The following PPHLN1 variants were observed in gnomAD, a reference collection of about 807,000 sequenced individuals.
PPHLN1 encodes the protein periphilin-1.
PPHLN1 carries 29 observed loss-of-function variants against 51.3 expected under a neutral mutation model. That is an observed-to-expected ratio of 0.57 (90% CI 0.42 to 0.77). PPHLN1 has a LOEUF of 0.77. Among genes scored for constraint, PPHLN1 ranks in the 30% least tolerant of loss-of-function variants. The probability of loss-of-function intolerance (pLI) is 0.00; values close to 1 mark genes in which losing one functional copy is unlikely to be tolerated. For synonymous variants in PPHLN1, 147 were observed against 147.8 expected (o/e 0.99, Z 0.04); for missense variants, 436 against 438.4 (o/e 0.99, Z 0.05).
chr12:42,341,543 G>A (rs1291562969), intron 2 of PPHLN1, among the ~76,000 whole-genome samples: 1 of 152,008 alleles, frequency 6.6e-6, no homozygotes, highest in Non-Finnish European at 1.5e-5. Context: ...TTGAGTTTTG[G>A]CAAACTTATC....
At chr12:42,446,256 C>G, downstream of PPHLN1, 12 of 1,609,612 alleles carry the variant, frequency 7.5e-6, no homozygotes, top group Non-Finnish European at 1.0e-5. Context: ...TTGTTCCTTG[C>G]TATGCTCTCT....
At chr12:42,399,569 A>C (rs1160810938) in intron 9 of PPHLN1, 1 of 298,206 alleles carries the variant, frequency 3.4e-6, no homozygotes, top group Non-Finnish European at 4.9e-6. Flanking sequence ...GTGCTTATTG[A>C]TGTTGTTACT....
At chr12:42,388,304 G>A (rs2077372184) in intron 7 of PPHLN1, among the ~76,000 whole-genome samples, 1 of 152,212 alleles carries the variant, frequency 6.6e-6, no homozygotes, top group Non-Finnish European at 1.5e-5. Context: ...TATGGCAGGA[G>A]GCGAGACATG....
At chr12:42,358,209 T>A (rs954142766) in intron 4 of PPHLN1, among the ~76,000 whole-genome samples, 4 of 152,194 alleles carry the variant, frequency 2.6e-5, no homozygotes, top group Admixed American at 6.5e-5. Context: ...ATGTTAATTT[T>A]AATTTTCTCT....
intron 9 of PPHLN1, chr12:42,431,664 G>A: frequency 9.5e-7 from 1 of 1,050,352 alleles, no homozygotes. Context: ...AACTTCTTCA[G>A]TTTATGAAAC....
At chr12:42,426,203 C>G (rs1013961728) in intron 9 of PPHLN1, among the ~76,000 whole-genome samples, 11 of 149,872 alleles carry the variant, frequency 7.3e-5, no homozygotes, top group Non-Finnish European at 1.5e-4. Flanking sequence ...CACACACACA[C>G]ACACACACAC....
intron 1 of PPHLN1, among the ~76,000 whole-genome samples, chr12:42,334,711 T>G (rs1276663050): frequency 6.6e-6 from 1 of 152,236 alleles, no homozygotes; most frequent in African/African-American, 2.4e-5. Flanking sequence ...ACCATTTTCA[T>G]TTTTTGCTCA....
intron 3 of PPHLN1, among the ~76,000 whole-genome samples, chr12:42,352,734 A>C (rs1236839491): frequency 6.6e-6 from 1 of 152,044 alleles, no homozygotes. Flanking sequence ...CTCCCAGCCT[A>C]AAGTCTATTT....
At chr12:42,373,752 GGTGCTTTGA>G (rs1312472088) in intron 4 of PPHLN1, among the ~76,000 whole-genome samples, 2 of 152,080 alleles carry the variant, frequency 1.3e-5, no homozygotes, top group African/African-American at 4.8e-5. Flanking sequence ...GGGCTTACTT[GGTGCTTTGA>G]GTTGATGGTA....
intron 2 of PPHLN1, among the ~76,000 whole-genome samples, chr12:42,337,281 G>A (rs1018159471): frequency 8.4e-5 from 5 of 59,772 alleles, no homozygotes; most frequent in Admixed American, 2.1e-4. Flanking sequence ...TTTTTTTTTT[G>A]AGATGGAGTT....
At chr12:42,418,856 C>T (rs1288153436) in intron 9 of PPHLN1, among the ~76,000 whole-genome samples, 3 of 151,914 alleles carry the variant, frequency 2.0e-5, no homozygotes, top group African/African-American at 7.3e-5. Flanking sequence ...GTTTTTTTCA[C>T]CACTTGTACT....
At chr12:42,426,781 C>T (rs565772721) in intron 9 of PPHLN1, among the ~76,000 whole-genome samples, 9 of 152,278 alleles carry the variant, frequency 5.9e-5, no homozygotes, top group Admixed American at 5.2e-4. Context: ...GAGAACTCAA[C>T]TCATTGGACC....
At chr12:42,364,370 C>G (rs2075036952) in intron 4 of PPHLN1, among the ~76,000 whole-genome samples, 1 of 152,092 alleles carries the variant, frequency 6.6e-6, no homozygotes, top group South Asian at 2.1e-4. Context: ...TGGCTCACAC[C>G]TGTAATCCCA....
chr12:42,346,825 T>C (rs2072409266), intron 2 of PPHLN1, among the ~76,000 whole-genome samples: 1 of 152,174 alleles, frequency 6.6e-6, no homozygotes, highest in East Asian at 1.9e-4. Flanking sequence ...GGTTTTAATT[T>C]GCATTTTCCC....
intron 7 of PPHLN1, among the ~76,000 whole-genome samples, chr12:42,389,286 T>C (rs1475153073): frequency 2.6e-5 from 4 of 152,046 alleles, no homozygotes; most frequent in Non-Finnish European, 4.4e-5. Flanking sequence ...GGCAGGAGAA[T>C]GGCTTGAACT....
At chr12:42,386,616 G>A (rs1345320854) in intron 6 of PPHLN1, among the ~76,000 whole-genome samples, 1 of 152,112 alleles carries the variant, frequency 6.6e-6, no homozygotes, top group South Asian at 2.1e-4. Context: ...CTCTTCTCAT[G>A]TTATTAATTT....
chr12:42,360,353 T>C lies in PPHLN1; in HGVS notation c.299+5131T>C, dbSNP rs188581091. Among the ~76,000 whole-genome samples, 231 of 151,348 alleles carry C rather than the reference T, an allele frequency of 1.5e-3. 1 individual carries two copies. The highest frequency in any genetic ancestry group is 4.9e-3 in the African/African-American group (202 of 41,190). On this transcript the variant is annotated intron_variant, in intron 4 of 9. Coordinates refer to ENST00000358314, the MANE Select transcript of PPHLN1 (RefSeq NM_201439.2). ...ATACAGGGCAAGTTTTTTTTTTTTC[T>C]TTCTCAGTTTAGGTTTGTCCAGCGT...
intron 6 of PPHLN1, among the ~76,000 whole-genome samples, chr12:42,385,741 G>A (rs1452728478): frequency 6.6e-6 from 1 of 152,206 alleles, no homozygotes; most frequent in Non-Finnish European, 1.5e-5. Flanking sequence ...GTATAGAAAA[G>A]TGAGGTTCAT....
chr12:42,411,528 GTT>G (rs2079828313), intron 9 of PPHLN1, among the ~76,000 whole-genome samples: 1 of 152,136 alleles, frequency 6.6e-6, no homozygotes, highest in African/African-American at 2.4e-5. Context: ...AAAAGAAACT[GTT>G]TTAAGGAAAG....
Sources: allele counts gnomAD v4.1 joint callset (sites outside exome capture counted in the v4.1 genomes callset), GRCh38; gene constraint gnomAD v4.1.1; transcripts MANE v1.5; gene names NCBI Gene and HGNC (gene_info 2026-07-23, HGNC 2026-07-21).